STAT1: variants seen among roughly 807,000 people sequenced by gnomAD.
STAT1 encodes signal transducer and activator of transcription 1.
Under a neutral mutation model 111.7 loss-of-function variants are expected in STAT1, and 24 were observed. The observed-to-expected ratio is 0.21, with a 90% CI of 0.16 to 0.30. The LOEUF is 0.30. Ranked by LOEUF, STAT1 falls within the 10% of genes least tolerant of loss-of-function variation. The pLI is 1.00. For synonymous variants in STAT1, 332 were observed against 326.5 expected, an observed-to-expected ratio of 1.02 and a Z score of -0.18; for missense variants, 351 against 911.9, an observed-to-expected ratio of 0.38 and a Z score of 7.92.
chr2:190,997,143 CCA>C lies in STAT1; in HGVS notation c.785+711_785+712del, dbSNP rs1315157822. ...CACCCAATACAGCCCCTGCAGTCTC[CCA>C]CATGTGTGCCTTTGCACACGCTGTG... On this transcript the variant is annotated intron_variant, in intron 9 of 24. Transcript: ENST00000361099. The surrounding 1 kb of genome is among the most constrained non-coding windows in gnomAD (Gnocchi z 7.3). 6.6e-6 allele frequency among the ~76,000 whole-genome samples: 1 copy of C among 152,224 alleles called. No individual in the cohort carries two copies. Among genetic ancestry groups the C allele is most frequent in the African/African-American group, 2.4e-5 (1 of 41,456 alleles).
rs141805447 is a variant in STAT1, at chr2:190,998,802, GTTATTA to G, written c.542-500_542-495del. Among the ~76,000 whole-genome samples, 618 of 151,248 alleles carry G rather than the reference GTTATTA, an allele frequency of 4.1e-3. 7 individuals are homozygous for G. The highest frequency in any genetic ancestry group is 0.014 in the African/African-American group (590 of 41,308). ...AAATGTAAATAACATTAATAATAAT[GTTATTA>G]TTATTATAAAAATAAATGTAAATAA... On this transcript the variant is annotated intron_variant, in intron 7 of 24. Coordinates refer to ENST00000361099, the MANE Select transcript of STAT1 (RefSeq NM_007315.4). The surrounding 1 kb of genome is among the most constrained non-coding windows in gnomAD (Gnocchi z 4.1).
In STAT1 at chr2:191,007,981, G is replaced by T. The variant is rs752674751; in HGVS notation, c.274-320C>A. ...GCCAATTATCTTTGGTTAGGATCCCGAGACAATGCAAATGATATAAAAACT... is the reference window on the plus strand; with the variant it reads ...GCCAATTATCTTTGGTTAGGATCCCTAGACAATGCAAATGATATAAAAACT... On this transcript the variant is annotated intron_variant, in intron 4 of 24. Coordinates refer to ENST00000361099, the MANE Select transcript of STAT1 (RefSeq NM_007315.4). This position sits in a 1 kb window ranked among gnomAD's most constrained non-coding sequence, Gnocchi z 4.2. 7.1e-5 allele frequency: 34 copies of T among 476,624 alleles called. No homozygotes were observed. Among genetic ancestry groups the T allele is most frequent in the South Asian group, 5.3e-4 (34 of 64,094 alleles). The allele number at this position is 476,624 out of a possible 1,614,324, so 29.5% of individuals were successfully genotyped here.
At position 190,983,801 on chromosome 2, in the gene STAT1, T is replaced by C; in HGVS notation, c.1348-61A>G. ...CACAGAAATGTCACCTTCAGATAAC[T>C]GCTTAGCCTCAACTAAAAGCAGGGG... On this transcript the variant is annotated intron_variant, in intron 16 of 24. Transcript: ENST00000361099. The surrounding 1 kb of genome is among the most constrained non-coding windows in gnomAD (Gnocchi z 5.7). The C allele has an allele frequency of 7.2e-7, 1 of 1,385,402 alleles. No homozygotes were observed. The highest frequency in any genetic ancestry group is 1.0e-6 in the Non-Finnish European group (1 of 972,126). 85.8% of individuals were successfully genotyped at this position (1,385,402 alleles called of 1,614,324 possible). A position where few individuals can be genotyped will look rare whatever the true frequency, so the allele number is the denominator to read the frequency against.
chr2:191,010,265 C>A, intron 2 of STAT1: 1 of 500,890 alleles, frequency 2.0e-6, no homozygotes, highest in South Asian at 1.6e-5. Flanking sequence ...CCTTCTCTGG[C>A]CTCTTTTATT....
chr2:190,978,174 T>G lies in STAT1; in HGVS notation c.1873+682A>C, dbSNP rs930983842. 6.6e-6 allele frequency among the ~76,000 whole-genome samples: 1 copy of G among 152,102 alleles called. No individual in the cohort carries two copies. The highest frequency in any genetic ancestry group is 2.4e-5 in the African/African-American group (1 of 41,398). ...TATAAAAATTACTAAAACAAATCAG[T>G]TTTTCCTCCTGCCCTTCAAACAGAC... On this transcript the variant is annotated intron_variant, in intron 21 of 24. Coordinates refer to ENST00000361099, the MANE Select transcript of STAT1 (RefSeq NM_007315.4). The surrounding 1 kb of genome is among the most constrained non-coding windows in gnomAD (Gnocchi z 6.1).
In STAT1 at chr2:190,986,045, C is replaced by T. The variant is rs538691279; in HGVS notation, c.1222-385G>A. 3.3e-5 allele frequency among the ~76,000 whole-genome samples: 5 copies of T among 152,298 alleles called. No individual in the cohort carries two copies. In the East Asian group the frequency reaches 9.7e-4, roughly 29 times the overall value. On this transcript the variant is annotated intron_variant, in intron 14 of 24. Coordinates refer to ENST00000361099, the MANE Select transcript of STAT1 (RefSeq NM_007315.4). The surrounding 1 kb of genome is among the most constrained non-coding windows in gnomAD (Gnocchi z 5.0). The stretch of plus-strand genomic sequence containing the variant: ...GCCCAGTGACTCCAGGTCCACCTGC[C>T]CTCAAGTGGACGTCAATCTCTGAGC...
intron 14 of STAT1, 145 bp from the exon 15 acceptor site, chr2:190,985,805 C>T (rs2125030086): frequency 1.1e-6 from 1 of 897,060 alleles, no homozygotes; most frequent in South Asian, 1.4e-5. Flanking sequence ...ACAAATTGGC[C>T]CTCGTTCAGG....
At chr2:191,010,210 A>T (rs1270524486) in intron 2 of STAT1, among the ~76,000 whole-genome samples, 2 of 152,172 alleles carry the variant, frequency 1.3e-5, no homozygotes, top group Non-Finnish European at 2.9e-5. Context: ...CTCCTCCACG[A>T]AACACATCTT....
chr2:190,972,909 G>A (rs1470698467), intron 24 of STAT1, among the ~76,000 whole-genome samples: 6 of 150,910 alleles, frequency 4.0e-5, no homozygotes, highest in South Asian at 2.1e-4. Context: ...GAAATGGAAC[G>A]GAATGGCTAC....
rs2124993706 is a variant in STAT1, at chr2:190,975,012, TTGTC to T, written c.2136-84_2136-81del. On this transcript the variant is annotated intron_variant, in intron 23 of 24. Transcript: ENST00000361099. The surrounding 1 kb of genome is among the most constrained non-coding windows in gnomAD (Gnocchi z 5.9). ...AGTGCATACTTACACACTTTATCTT[TTGTC>T]TGTAATTGAATTATCACGTTATATT... is the stretch of plus-strand genomic sequence containing the variant. The T allele has an allele frequency of 5.8e-6, 6 of 1,038,310 alleles. No individual in the cohort carries two copies. In the South Asian group the frequency reaches 6.7e-5, roughly 12 times the overall value. 64.3% of individuals were successfully genotyped at this position (1,038,310 alleles called of 1,614,324 possible).
rs1375664146 is a variant in STAT1 at position 191,000,295 on chromosome 2, C to T, written c.463-591G>A. 6.6e-6 allele frequency among the ~76,000 whole-genome samples: 1 copy of T among 152,202 alleles called. No homozygotes were observed. Among genetic ancestry groups the T allele is most frequent in the Non-Finnish European group, 1.5e-5 (1 of 68,046 alleles). ...CTGGATTTCCATGGCTATTTCTGGA[C>T]TGGGCTCACTCGGTTTCTACTTTAA... On this transcript the variant is annotated intron_variant, in intron 6 of 24. Coordinates refer to ENST00000361099, the MANE Select transcript of STAT1 (RefSeq NM_007315.4). The surrounding 1 kb of genome is among the most constrained non-coding windows in gnomAD (Gnocchi z 4.8).
rs144240868 is a variant in STAT1 at position 190,995,684 on chromosome 2, A to G, written c.786-465T>C. On this transcript the variant is annotated intron_variant, in intron 9 of 24. Coordinates refer to ENST00000361099, the MANE Select transcript of STAT1 (RefSeq NM_007315.4). The surrounding 1 kb of genome is among the most constrained non-coding windows in gnomAD (Gnocchi z 4.2). ...AACAAGTGGTTATATGCAACACAAA[A>G]TGTCACCTAGGATGCCATGCTCTGC... Among the ~76,000 whole-genome samples the G allele has an allele frequency of 6.6e-3, 1,010 of 152,314 alleles. 12 individuals carry two copies. The highest frequency in any genetic ancestry group is 0.023 in the African/African-American group (960 of 41,574).
At position 190,997,301 on chromosome 2, in the gene STAT1, T is replaced by C. The variant is rs1192619443; in HGVS notation, c.785+555A>G. Reference sequence around the variant, plus strand: ...TCCTTTGTCCTCCACAGAATTCTGATGGCCTTTTGCTAGAGCACCTGGATA... The same window carrying C: ...TCCTTTGTCCTCCACAGAATTCTGACGGCCTTTTGCTAGAGCACCTGGATA... On this transcript the variant is annotated intron_variant, in intron 9 of 24. Coordinates refer to ENST00000361099, the MANE Select transcript of STAT1 (RefSeq NM_007315.4). This position sits in a 1 kb window ranked among gnomAD's most constrained non-coding sequence, Gnocchi z 7.3. Among the ~76,000 whole-genome samples, 2 of 152,228 alleles carry C rather than the reference T, an allele frequency of 1.3e-5. No homozygotes were observed. Among genetic ancestry groups the C allele is most frequent in the Non-Finnish European group, 2.9e-5 (2 of 68,032 alleles).
rs1437701852 is a variant in STAT1 at position 190,987,808 on chromosome 2, G to A, written c.1098-740C>T. Among the ~76,000 whole-genome samples the A allele has an allele frequency of 1.3e-5, 2 of 152,110 alleles. No homozygotes were observed. Among genetic ancestry groups the A allele is most frequent in the African/African-American group, 4.8e-5 (2 of 41,422 alleles). On this transcript the variant is annotated intron_variant, in intron 12 of 24. Transcript: ENST00000361099. This position sits in a 1 kb window ranked among gnomAD's most constrained non-coding sequence, Gnocchi z 4.0. ...CCTTCCTTTCCAATCTCAACCAGAA[G>A]TTCAATGCTTTTGTGAATGACAATC...
At position 190,984,263 on chromosome 2, in the gene STAT1, A is replaced by C. The variant is rs1445227895; in HGVS notation, c.1347+47T>G. 6 of 1,414,324 alleles carry C rather than the reference A, an allele frequency of 4.2e-6. No homozygotes were observed. In the Admixed American group the frequency reaches 8.4e-5, roughly 20 times the overall value. The allele number at this position is 1,414,324 out of a possible 1,614,324, so 87.6% of individuals were successfully genotyped here. ...AAATAAAAATACATGTAACAATTAA[A>C]AGTAAAAATAATGAAGTTTTCCAAC... is the stretch of plus-strand genomic sequence containing the variant. On this transcript the variant is annotated intron_variant, in intron 16 of 24. Coordinates refer to ENST00000361099, the MANE Select transcript of STAT1 (RefSeq NM_007315.4). The surrounding 1 kb of genome is among the most constrained non-coding windows in gnomAD (Gnocchi z 5.2).
rs535794048 is a variant in STAT1, at chr2:190,976,320, G to C, written c.2060-433C>G. On this transcript the variant is annotated intron_variant, in intron 22 of 24. Coordinates refer to ENST00000361099, the MANE Select transcript of STAT1 (RefSeq NM_007315.4). The surrounding 1 kb of genome is among the most constrained non-coding windows in gnomAD (Gnocchi z 6.0). ...CTGATTCTGAAAAACAGCTTTGTTG[G>C]TGTGTTCCAAACAAAACAGGTCTAA... Among the ~76,000 whole-genome samples, 3 of 152,300 alleles carry C rather than the reference G, an allele frequency of 2.0e-5. No individual in the cohort carries two copies. In the East Asian group the frequency reaches 5.8e-4, roughly 29 times the overall value.
In STAT1 at chr2:190,975,003, CTT is replaced by C; in HGVS notation, c.2136-73_2136-72del. 1.8e-6 allele frequency: 2 copies of C among 1,126,270 alleles called. No individual in the cohort carries two copies. Among genetic ancestry groups the C allele is most frequent in the South Asian group, 1.3e-5 (1 of 78,134 alleles). 69.8% of individuals were successfully genotyped at this position (1,126,270 alleles called of 1,614,324 possible). On this transcript the variant is annotated intron_variant, in intron 23 of 24. Transcript: ENST00000361099. This position sits in a 1 kb window ranked among gnomAD's most constrained non-coding sequence, Gnocchi z 5.9. ...GAAAGCACTAGTGCATACTTACACA[CTT>C]TATCTTTTGTCTGTAATTGAATTAT...
rs1694670295 is a variant in STAT1 at position 191,006,120 on chromosome 2, T to C, written c.372+1443A>G. Among the ~76,000 whole-genome samples, 1 of 152,210 alleles carries C rather than the reference T, an allele frequency of 6.6e-6. No individual in the cohort carries two copies. ...GCAGCTGGGGGAAACAGGTTGTCCT[T>C]CTGCCCATCTTTGCTCCTGGCTGTC... On this transcript the variant is annotated intron_variant, in intron 5 of 24. Coordinates refer to ENST00000361099, the MANE Select transcript of STAT1 (RefSeq NM_007315.4). The surrounding 1 kb of genome is among the most constrained non-coding windows in gnomAD (Gnocchi z 4.6).
Position 190,970,339 on chromosome 2 carries a change from C to G in STAT1, c.*364G>C, listed in dbSNP as rs186032149. 90 of 355,084 alleles carry G rather than the reference C, an allele frequency of 2.5e-4. No individual in the cohort carries two copies. In the East Asian group the frequency reaches 5.9e-3, roughly 23 times the overall value. 22.0% of individuals were successfully genotyped at this position (355,084 alleles called of 1,614,324 possible). A position where few individuals can be genotyped will look rare whatever the true frequency, so the allele number is the denominator to read the frequency against. ...AATAACCACTGATTTATCCAACAAC[C>G]TATAACAGTTGGGCACTGACTTTAT... On this transcript the variant is annotated 3_prime_UTR_variant, in exon 25 of 25. Coordinates refer to ENST00000361099, the MANE Select transcript of STAT1 (RefSeq NM_007315.4). This position sits in a 1 kb window ranked among gnomAD's most constrained non-coding sequence, Gnocchi z 5.4.
Sources: gnomAD v4.1 joint callset for allele counts (sites outside exome capture counted in the v4.1 genomes callset) on GRCh38, gnomAD v4.1.1 for gene constraint, Gnocchi (gnomAD v3.1) non-coding constraint, MANE v1.5 for transcripts, NCBI Gene and HGNC (gene_info 2026-07-23, HGNC 2026-07-21) for gene names.